The following DAAM1 variants were observed in gnomAD, a reference collection of about 807,000 sequenced individuals.
The protein encoded by DAAM1 is dishevelled associated activator of morphogenesis 1, also known as disheveled-associated activator of morphogenesis 1.
Under a neutral mutation model 130.0 loss-of-function variants are expected in DAAM1, and 52 were observed. The observed-to-expected ratio is 0.40, with a 90% confidence interval of 0.32 to 0.50. The LOEUF (loss-of-function observed/expected upper bound fraction) is 0.50. DAAM1 is among the 20% of genes least tolerant of loss of function. DAAM1 has a pLI of 0.61. For synonymous variants in DAAM1, 452 were observed against 444.5 expected, an observed-to-expected ratio of 1.02 and a Z score of -0.21; for missense variants, 1,134 against 1,303.8, an observed-to-expected ratio of 0.87 and a Z score of 2.01.
intron 6 of DAAM1, among the ~76,000 whole-genome samples, 200 bp downstream of exon 6, chr14:59,323,425 G>A (rs1209693207): frequency 2.0e-5 from 3 of 152,126 alleles, no homozygotes; most frequent in African/African-American, 7.2e-5. Context: ...ATGAATCTGG[G>A]CCTTTAGATT....
At chr14:59,270,497 A>G (rs1205650008) in intron 2 of DAAM1, among the ~76,000 whole-genome samples, 2 of 152,064 alleles carry the variant, frequency 1.3e-5, no homozygotes, top group African/African-American at 2.4e-5. Flanking sequence ...CTCCCCCATG[A>G]CCCAAACACT....
chr14:59,335,176 T>C (rs976680978), intron 15 of DAAM1, among the ~76,000 whole-genome samples: 8 of 152,206 alleles, frequency 5.3e-5, no homozygotes, highest in Non-Finnish European at 1.0e-4. Flanking sequence ...TGTCAGACTT[T>C]GTATAGGATT....
intron 2 of DAAM1, among the ~76,000 whole-genome samples, chr14:59,287,657 A>G (rs1883522405): frequency 6.6e-6 from 1 of 152,168 alleles, no homozygotes; most frequent in Non-Finnish European, 1.5e-5. Flanking sequence ...ACCTACATAA[A>G]GAACAAAATT....
At chr14:59,232,237 A>G (rs1476155666) in intron 1 of DAAM1, among the ~76,000 whole-genome samples, 3 of 152,180 alleles carry the variant, frequency 2.0e-5, no homozygotes, top group African/African-American at 7.2e-5. Flanking sequence ...CTGCAGATCC[A>G]AGCATTGTCA....
At chr14:59,197,211 C>G (rs927940306) in intron 1 of DAAM1, among the ~76,000 whole-genome samples, 1 of 152,172 alleles carries the variant, frequency 6.6e-6, no homozygotes, top group African/African-American at 2.4e-5. Flanking sequence ...TGAGCCACCG[C>G]GGGAATTATT....
chr14:59,304,615 G>A (rs922613164), intron 3 of DAAM1, among the ~76,000 whole-genome samples: 14 of 152,132 alleles, frequency 9.2e-5, no homozygotes, highest in Admixed American at 2.6e-4. Context: ...TGTTTTTTCA[G>A]TTTCTGAGAG....
At chr14:59,224,347 G>A (rs540823025) in intron 1 of DAAM1, among the ~76,000 whole-genome samples, 31 of 152,328 alleles carry the variant, frequency 2.0e-4, no homozygotes, top group African/African-American at 7.5e-4. Context: ...AAGATATGGT[G>A]GGAATCATCA....
At chr14:59,301,327 A>G (rs1288139706) in intron 3 of DAAM1, among the ~76,000 whole-genome samples, 2 of 152,096 alleles carry the variant, frequency 1.3e-5, no homozygotes, top group Non-Finnish European at 2.9e-5. Context: ...TATTAGAAGT[A>G]TATTGAGGTC....
chr14:59,280,312 G>A (rs1883153028), intron 2 of DAAM1, among the ~76,000 whole-genome samples: 1 of 152,146 alleles, frequency 6.6e-6, no homozygotes, highest in Non-Finnish European at 1.5e-5. Context: ...GCCCATGCCT[G>A]TAATCTCAGC....
intron 1 of DAAM1, among the ~76,000 whole-genome samples, chr14:59,198,858 C>CAATTCCTTTA (rs1888002621): frequency 1.3e-5 from 2 of 152,224 alleles, no homozygotes; most frequent in Non-Finnish European, 2.9e-5. Context: ...GTAATCGTGG[C>CAATTCCTTTA]AATTCCTTTA....
intron 4 of DAAM1, among the ~76,000 whole-genome samples, chr14:59,317,479 C>G (rs1884835792): frequency 6.6e-6 from 1 of 152,146 alleles, no homozygotes. Flanking sequence ...GATATTGTAC[C>G]TGGAGCAGTG....
intron 2 of DAAM1, among the ~76,000 whole-genome samples, chr14:59,274,682 A>G (rs1882877940): frequency 6.6e-6 from 1 of 152,232 alleles, no homozygotes; most frequent in Non-Finnish European, 1.5e-5. Context: ...GCATGCATGC[A>G]TGAATTAATA....
chr14:59,225,285 C>T (rs1435759498), intron 1 of DAAM1, among the ~76,000 whole-genome samples: 1 of 152,076 alleles, frequency 6.6e-6, no homozygotes, highest in Non-Finnish European at 1.5e-5. Flanking sequence ...CTCTGCCTCC[C>T]AAAGTGCTGG....
chr14:59,228,544 C>G (rs1889011479), intron 1 of DAAM1, among the ~76,000 whole-genome samples: 1 of 152,172 alleles, frequency 6.6e-6, no homozygotes, highest in African/African-American at 2.4e-5. Context: ...CCACACATTT[C>G]GAATGAATGT....
chr14:59,332,658 C>G (rs947017446), intron 15 of DAAM1, among the ~76,000 whole-genome samples: 1 of 152,140 alleles, frequency 6.6e-6, no homozygotes, highest in Non-Finnish European at 1.5e-5. Context: ...GATACAGCCT[C>G]TTAAAGTTAG....
intron 20 of DAAM1, chr14:59,357,252 CT>C (rs1886518781): frequency 6.6e-6 from 1 of 152,190 alleles, no homozygotes; most frequent in Non-Finnish European, 1.5e-5. Context: ...CAAAGCATTT[CT>C]TTTAAAAAGT....
chr14:59,296,682 A>G (rs1328063445), intron 3 of DAAM1, among the ~76,000 whole-genome samples: 1 of 152,162 alleles, frequency 6.6e-6, no homozygotes, highest in Non-Finnish European at 1.5e-5. Context: ...TGGTTACAGC[A>G]GTGAGAGTTG....
At chr14:59,225,524 G>A (rs900626444) in intron 1 of DAAM1, among the ~76,000 whole-genome samples, 2 of 152,172 alleles carry the variant, frequency 1.3e-5, no homozygotes, top group Non-Finnish European at 2.9e-5. Flanking sequence ...CTCTTTCTGT[G>A]CCTTTGATTT....
chr14:59,311,557 A>G (rs1026144041), intron 3 of DAAM1, among the ~76,000 whole-genome samples: 2 of 82,122 alleles, frequency 2.4e-5, no homozygotes, highest in Non-Finnish European at 5.1e-5. Context: ...TTATAAGTTA[A>G]AAAAAAAAAA....
Sources: allele counts gnomAD v4.1 joint callset (sites outside exome capture counted in the v4.1 genomes callset), GRCh38; gene constraint gnomAD v4.1.1; transcripts MANE v1.5; gene names NCBI Gene and HGNC (gene_info 2026-07-23, HGNC 2026-07-21).